The following SLC11A2 variants were observed in gnomAD, a reference collection of about 807,000 sequenced individuals.
SLC11A2 encodes natural resistance-associated macrophage protein 2.
In SLC11A2, 38 loss-of-function variants were observed where a neutral mutation model predicts 68.0. The ratio of observed to expected loss-of-function variants is 0.56; its 90% CI spans 0.43 to 0.73. The LOEUF (loss-of-function observed/expected upper bound fraction) is 0.73. Ranked by LOEUF, SLC11A2 falls within the 30% of genes least tolerant of loss-of-function variation. The pLI is 0.00. For missense variants in SLC11A2, 517 were observed against 690.5 expected (o/e 0.75, Z 2.82); for synonymous variants, 242 against 250.6 (o/e 0.97, Z 0.32).
chr12:51,005,539 A>C, intron 3 of SLC11A2, 103 bp from the exon 4 acceptor site: 1 of 1,569,550 alleles, frequency 6.4e-7, no homozygotes, highest in Non-Finnish European at 8.7e-7. Context: ...GCCTCACAAG[A>C]AAAAAGGATT....
At chr12:51,001,598 AAAAAG>A (rs1387674593) in intron 5 of SLC11A2, among the ~76,000 whole-genome samples, 7 of 149,020 alleles carry the variant, frequency 4.7e-5, no homozygotes, top group South Asian at 2.2e-4. Flanking sequence ...AAAAAAAAAA[AAAAAG>A]AAAGAAAGAA....
chr12:51,012,429 T>C (rs942531363), intron 1 of SLC11A2, among the ~76,000 whole-genome samples: 1 of 152,220 alleles, frequency 6.6e-6, no homozygotes, highest in South Asian at 2.1e-4. Context: ...ATAGTATTCA[T>C]TGATAAGCCC....
At chr12:51,026,257 C>G (rs1338491398) in intron 1 of SLC11A2, 53 bp downstream of exon 1, 13 of 1,222,408 alleles carry the variant, frequency 1.1e-5, no homozygotes, top group Non-Finnish European at 1.4e-5. Context: ...GCCCCGCGCC[C>G]CTCCCTGCCA....
chr12:50,999,595 T>C lies in SLC11A2; in HGVS notation c.537-180A>G, dbSNP rs184714870. The C allele has an allele frequency of 9.3e-4, 587 of 634,278 alleles. 2 individuals carry two copies. The African/African-American group carries it at 9.7e-3, about 10-fold the overall frequency. The allele number at this position is 634,278 out of a possible 1,614,324, so 39.3% of individuals were successfully genotyped here. A position where few individuals can be genotyped will look rare whatever the true frequency, so the allele number is the denominator to read the frequency against. ...AGTAGGGTAACAGCATCAACTTAAT[T>C]ACATTCATTTAAACTTTGAGAGTCT... is the stretch of plus-strand genomic sequence containing the variant. On this transcript the variant is annotated intron_variant, in intron 6 of 15. Coordinates refer to ENST00000262052, the MANE Select transcript of SLC11A2 (RefSeq NM_000617.3).
rs766970834 is a variant in SLC11A2, at chr12:50,987,707, T to C, written c.*618A>G. ...TTTTGTTAGTTGTCAGTTTTTCCCC[T>C]TCTTTGTTTTCTCACCCCTCTTAAC... is the stretch of plus-strand genomic sequence containing the variant. On this transcript the variant is annotated 3_prime_UTR_variant, in exon 16 of 16. Coordinates refer to ENST00000262052, the MANE Select transcript of SLC11A2 (RefSeq NM_000617.3). The C allele has an allele frequency of 1.4e-5, 18 of 1,287,030 alleles. No individual in the cohort carries two copies. In the East Asian group the frequency reaches 5.0e-4, roughly 36 times the overall value. 79.7% of individuals were successfully genotyped at this position (1,287,030 alleles called of 1,614,324 possible).
downstream of SLC11A2, chr12:50,980,370 C>G (rs1939952367): frequency 6.3e-6 from 1 of 159,030 alleles, no homozygotes; most frequent in Non-Finnish European, 1.4e-5. Context: ...AAATGTGGTG[C>G]CTGTAATCCC....
At position 50,987,537 on chromosome 12, in the gene SLC11A2, A is replaced by G; in HGVS notation, c.*788T>C. 7.8e-7 allele frequency: 1 copy of G among 1,287,258 alleles called. No homozygotes were observed. Among genetic ancestry groups the G allele is most frequent in the South Asian group, 1.2e-5 (1 of 80,934 alleles). 79.7% of individuals were successfully genotyped at this position (1,287,258 alleles called of 1,614,324 possible). ...AAGAAAGTTAAGGTTTTACAACCAC[A>G]TGTGCTCAAGAGTAAATATCATCAG... On this transcript the variant is annotated 3_prime_UTR_variant, in exon 16 of 16. Coordinates refer to ENST00000262052, the MANE Select transcript of SLC11A2 (RefSeq NM_000617.3).
At chr12:50,996,235 A>G (rs1439792837) in intron 9 of SLC11A2, among the ~76,000 whole-genome samples, 2 of 152,198 alleles carry the variant, frequency 1.3e-5, no homozygotes, top group Non-Finnish European at 2.9e-5. Flanking sequence ...CGAGCTTTTG[A>G]AATTTAAACA....
the SLC11A2 span, among the ~76,000 whole-genome samples, chr12:50,961,303 A>G: frequency 5.9e-5 from 9 of 152,166 alleles, no homozygotes; most frequent in Admixed American, 5.9e-4. Context: ...AAAACTGACA[A>G]AACCTATGGT....
chr12:50,962,588 T>G, the SLC11A2 span, among the ~76,000 whole-genome samples: 2 of 147,520 alleles, frequency 1.4e-5, no homozygotes, highest in South Asian at 4.3e-4. Context: ...TCACAGCTAC[T>G]TGGGAGGCTG....
At chr12:51,002,531 C>T (rs1379044373) in intron 5 of SLC11A2, among the ~76,000 whole-genome samples, 3 of 149,378 alleles carry the variant, frequency 2.0e-5, no homozygotes, top group African/African-American at 7.4e-5. Flanking sequence ...CCCAGCTACT[C>T]GGGAAGCTGA....
chr12:50,988,104 G>A lies in SLC11A2; in HGVS notation c.*221C>T, dbSNP rs1477535289. ...GTTGGAATGATAGCAGCAAATGTCAGCTTTTCAAAGATCCCACCCTAATCC... is the reference window on the plus strand; with the variant it reads ...GTTGGAATGATAGCAGCAAATGTCAACTTTTCAAAGATCCCACCCTAATCC... On this transcript the variant is annotated 3_prime_UTR_variant, in exon 16 of 16. Transcript: ENST00000262052. 1 of 1,477,548 alleles carries A rather than the reference G, an allele frequency of 6.8e-7. No homozygotes were observed. The highest frequency in any genetic ancestry group is 9.0e-7 in the Non-Finnish European group (1 of 1,111,140). The allele number at this position is 1,477,548 out of a possible 1,614,324, so 91.5% of individuals were successfully genotyped here.
At chr12:51,011,636 C>T (rs917496993) in intron 1 of SLC11A2, among the ~76,000 whole-genome samples, 1 of 147,754 alleles carries the variant, frequency 6.8e-6, no homozygotes, top group African/African-American at 2.5e-5. Flanking sequence ...GATCTCAGCT[C>T]GCTGCAACCT....
Position 51,008,401 on chromosome 12 carries a change from G to A in SLC11A2, c.183+75C>T. 3 of 1,291,278 alleles carry A rather than the reference G, an allele frequency of 2.3e-6. No homozygotes were observed. The South Asian group carries it at 3.6e-5, about 15-fold the overall frequency. The allele number at this position is 1,291,278 out of a possible 1,614,324, so 80.0% of individuals were successfully genotyped here. On this transcript the variant is annotated intron_variant, in intron 3 of 15. Transcript: ENST00000262052. ...AATTAAACCTGAGGCTGCTGAACTT[G>A]AGCCATCCAGCAGATCTTTCACTCA...
Position 50,990,872 on chromosome 12 carries a change from G to A in SLC11A2, c.1498C>T (p.Arg500Trp), listed in dbSNP as rs17216086. 1,290 of 1,613,912 alleles carry A rather than the reference G, an allele frequency of 8.0e-4. 8 individuals are homozygous for A. In the African/African-American group the frequency reaches 0.014, roughly 18 times the overall value. Reference sequence around the variant, plus strand: ...TATAATGCCACATGCCCTAGGTCCCGGACATAAACCACTACAAAGTACATA... The same window carrying A: ...TATAATGCCACATGCCCTAGGTCCCAGACATAAACCACTACAAAGTACATA... Reference protein sequence around the residue: ...INMYFVVVYVRDLGHVALYVV... With the variant: ...INMYFVVVYVWDLGHVALYVV... The change falls in exon 15 of 16, where the codon CGG becomes TGG. Residue 500 changes from arginine (R) to tryptophan (W), a missense_variant. Transcript: ENST00000262052.
In SLC11A2 at chr12:50,987,275, A is replaced by G; in HGVS notation, c.*1050T>C. On this transcript the variant is annotated 3_prime_UTR_variant, in exon 16 of 16. Transcript: ENST00000262052. The stretch of plus-strand genomic sequence containing the variant: ...TACTGACTTGCAGAGAACGCTGAGA[A>G]AGACAGTGTGCTTTGCAACGGTTAA... 7.8e-7 allele frequency: 1 copy of G among 1,287,218 alleles called. No homozygotes were observed. The highest frequency in any genetic ancestry group is 1.0e-6 in the Non-Finnish European group (1 of 988,696). 79.7% of individuals were successfully genotyped at this position (1,287,218 alleles called of 1,614,324 possible). A position where few individuals can be genotyped will look rare whatever the true frequency, so the allele number is the denominator to read the frequency against.
intron 5 of SLC11A2, among the ~76,000 whole-genome samples, chr12:51,001,031 G>A (rs1468797989): frequency 6.6e-6 from 1 of 151,886 alleles, no homozygotes; most frequent in Non-Finnish European, 1.5e-5. Flanking sequence ...TGGGCATGGT[G>A]GCACATGCCT....
chr12:51,008,582 T>C lies in SLC11A2; in HGVS notation c.77A>G (p.Asn26Ser). ...GGGATTACTATAGGCAGGGTTGATG[T>C]TACCAAGACTGGCAGACTCCCCATG... ...GDHGESASLG[N>S]INPAYSNPSL... is the part of the protein sequence containing the mutation. The change falls in exon 3 of 16, where the codon AAC (asparagine) becomes AGC (serine). Residue 26 changes from asparagine to serine, a missense_variant. Asn to Ser is a conservative substitution (Grantham distance 46, BLOSUM62 1). Coordinates refer to ENST00000262052, the MANE Select transcript of SLC11A2 (RefSeq NM_000617.3). 6.2e-7 allele frequency: 1 copy of C among 1,612,778 alleles called. No individual in the cohort carries two copies. Among genetic ancestry groups the C allele is most frequent in the South Asian group, 1.1e-5 (1 of 91,042 alleles).
chr12:50,992,998 T>A (rs1941325240), intron 11 of SLC11A2, 69 bp from the exon 12 acceptor site: 1 of 1,585,638 alleles, frequency 6.3e-7, no homozygotes, highest in Non-Finnish European at 8.6e-7. Context: ...AAAACAGCAG[T>A]TCCCTGTGGC....
Sources: gnomAD v4.1 joint callset for allele counts (sites outside exome capture counted in the v4.1 genomes callset) on GRCh38, gnomAD v4.1.1 for gene constraint, MANE v1.5 for transcripts, NCBI Gene and HGNC (gene_info 2026-07-23, HGNC 2026-07-21) for gene names.